The following LRRTM3 variants were observed in gnomAD, a reference collection of about 807,000 sequenced individuals.
LRRTM3 encodes the protein leucine-rich repeat transmembrane neuronal protein 3.
A neutral mutation model predicts 44.7 loss-of-function variants in LRRTM3; 24 were observed. The observed-to-expected ratio is 0.54, with a 90% CI of 0.39 to 0.76. The LOEUF (loss-of-function observed/expected upper bound fraction) is 0.76, where lower values mean the gene tolerates loss of function less well. Among genes scored for constraint, LRRTM3 ranks in the 30% least tolerant of loss-of-function variants. LRRTM3 has a pLI of 0.00. For missense variants in LRRTM3, 587 were observed against 702.2 expected, an observed-to-expected ratio of 0.84 and a Z score of 1.85; for synonymous variants, 277 against 278.7, an observed-to-expected ratio of 0.99 and a Z score of 0.06.
intron 2 of LRRTM3, among the ~76,000 whole-genome samples, chr10:67,049,392 C>T (rs2133178368): frequency 6.6e-6 from 1 of 152,208 alleles, no homozygotes; most frequent in South Asian, 2.1e-4. Flanking sequence ...GAACTACATA[C>T]AAAATGTAAA....
At chr10:66,965,489 C>T (rs547997449) in intron 2 of LRRTM3, among the ~76,000 whole-genome samples, 38 of 149,694 alleles carry the variant, frequency 2.5e-4, no homozygotes, top group African/African-American at 8.4e-4. Context: ...GAGCCGAGAT[C>T]GCACCACTGC....
At chr10:67,081,610 G>T (rs971617903) in intron 2 of LRRTM3, among the ~76,000 whole-genome samples, 3 of 152,116 alleles carry the variant, frequency 2.0e-5, no homozygotes, top group Non-Finnish European at 2.9e-5. Flanking sequence ...CTACCATTTT[G>T]CTATGCCTGT....
At chr10:66,946,729 T>C (rs1848292098) in intron 2 of LRRTM3, among the ~76,000 whole-genome samples, 1 of 152,092 alleles carries the variant, frequency 6.6e-6, no homozygotes, top group African/African-American at 2.4e-5. Flanking sequence ...GAACTACATA[T>C]TTCTCATCTC....
intron 2 of LRRTM3, among the ~76,000 whole-genome samples, chr10:66,940,916 C>G (rs1006709432): frequency 6.6e-6 from 1 of 152,118 alleles, no homozygotes; most frequent in African/African-American, 2.4e-5. Flanking sequence ...CAGTATGCAG[C>G]CTGCAGTAAC....
At chr10:67,002,105 G>A (rs555386215) in intron 2 of LRRTM3, among the ~76,000 whole-genome samples, 8 of 152,134 alleles carry the variant, frequency 5.3e-5, no homozygotes, top group Admixed American at 3.3e-4. Flanking sequence ...AAATGAGATC[G>A]TTGGATTCAA....
intron 2 of LRRTM3, among the ~76,000 whole-genome samples, chr10:67,090,893 A>C (rs1048400859): frequency 6.6e-6 from 1 of 152,020 alleles, no homozygotes; most frequent in Non-Finnish European, 1.5e-5. Flanking sequence ...GCAGTGTGAT[A>C]ATTGCTTACA....
rs923253395 is a variant in LRRTM3, at chr10:66,934,039, T to G, written c.1536+5587T>G. ...ATGGACGCTCTTGAGTTAGGGATCC[T>G]GAACACGTGAGGAAAATTCCAGGAA... On this transcript the variant is annotated intron_variant, in intron 2 of 2. Coordinates refer to ENST00000361320, the MANE Select transcript of LRRTM3 (RefSeq NM_178011.5). Among the ~76,000 whole-genome samples, 4 of 152,112 alleles carry G rather than the reference T, an allele frequency of 2.6e-5. No homozygotes were observed. In the South Asian group the frequency reaches 8.3e-4, roughly 32 times the overall value.
rs537682764 is a variant in LRRTM3 at position 67,035,048 on chromosome 10, C to A, written c.1537-62539C>A. ...TGAGGTCACCAGTTAGAAGTGCTCACTGTATTTTATGAATACTGATAGCTC... is the reference window on the plus strand; with the variant it reads ...TGAGGTCACCAGTTAGAAGTGCTCAATGTATTTTATGAATACTGATAGCTC... On this transcript the variant is annotated intron_variant, in intron 2 of 2. Coordinates refer to ENST00000361320, the MANE Select transcript of LRRTM3 (RefSeq NM_178011.5). Among the ~76,000 whole-genome samples the A allele has an allele frequency of 3.9e-5, 6 of 152,320 alleles. No individual in the cohort carries two copies. In the South Asian group the frequency reaches 1.2e-3, roughly 32 times the overall value.
At chr10:66,961,487 G>T (rs942896766) in intron 2 of LRRTM3, among the ~76,000 whole-genome samples, 8 of 152,048 alleles carry the variant, frequency 5.3e-5, no homozygotes, top group African/African-American at 1.7e-4. Context: ...CAACCTCACT[G>T]GGACTCTCTT....
chr10:67,059,959 G>A (rs1412801093), intron 2 of LRRTM3, among the ~76,000 whole-genome samples: 1 of 152,148 alleles, frequency 6.6e-6, no homozygotes, highest in Non-Finnish European at 1.5e-5. Context: ...CTACAAATAT[G>A]TTGAGGGAGA....
intron 2 of LRRTM3, among the ~76,000 whole-genome samples, chr10:66,948,205 A>G (rs1280969292): frequency 3.9e-5 from 6 of 152,202 alleles, no homozygotes; most frequent in Non-Finnish European, 7.3e-5. Flanking sequence ...AAATTCTCAA[A>G]TTATGCCCAC....
chr10:67,069,816 T>G (rs540552695), intron 2 of LRRTM3, among the ~76,000 whole-genome samples: 1 of 152,280 alleles, frequency 6.6e-6, no homozygotes, highest in Non-Finnish European at 1.5e-5. Context: ...TCTTTTTACC[T>G]AAGGACCCAT....
At chr10:67,039,953 T>G (rs1854292830) in intron 2 of LRRTM3, among the ~76,000 whole-genome samples, 1 of 152,156 alleles carries the variant, frequency 6.6e-6, no homozygotes, top group Admixed American at 6.5e-5. Context: ...ATAAAGCATA[T>G]TAGCTGTCTG....
At chr10:67,095,655 T>A (rs1857946277) in intron 2 of LRRTM3, among the ~76,000 whole-genome samples, 1 of 151,858 alleles carries the variant, frequency 6.6e-6, no homozygotes, top group Non-Finnish European at 1.5e-5. Context: ...GTAGAGTTAA[T>A]TCTAAGTAAG....
chr10:67,017,440 T>C (rs1852725548), intron 2 of LRRTM3, among the ~76,000 whole-genome samples: 1 of 152,150 alleles, frequency 6.6e-6, no homozygotes, highest in African/African-American at 2.4e-5. Context: ...TAAAAAGAAA[T>C]CTACTCTGTG....
At position 67,025,096 on chromosome 10, in the gene LRRTM3, A is replaced by G. The variant is rs1853272895; in HGVS notation, c.1537-72491A>G. Among the ~76,000 whole-genome samples, 6 of 144,104 alleles carry G rather than the reference A, an allele frequency of 4.2e-5. No individual in the cohort carries two copies. The Admixed American group carries it at 4.5e-4, about 11-fold the overall frequency. 94.5% of individuals were successfully genotyped at this position (144,104 alleles called of 152,430 possible). On this transcript the variant is annotated intron_variant, in intron 2 of 2. Coordinates refer to ENST00000361320, the MANE Select transcript of LRRTM3 (RefSeq NM_178011.5). ...GTGAGCCGAGATCATGCCATTGCAC[A>G]CTCCAGCCTGAGCAACAAGAGCAAA... is the stretch of plus-strand genomic sequence containing the variant.
chr10:66,951,088 TACAC>T (rs3056558), intron 2 of LRRTM3, among the ~76,000 whole-genome samples: 6,902 of 146,056 alleles, frequency 0.047, 350 homozygotes, highest in African/African-American at 0.13. Context: ...TAACATTAAA[TACAC>T]ACACACACAC....
In LRRTM3 at chr10:67,097,865, G is replaced by A. The variant is rs943037757; in HGVS notation, c.*69G>A. The stretch of plus-strand genomic sequence containing the variant: ...CTCAAGGACAAAATGAGGAAGATGT[G>A]TTCATTGTGGACTCTAAAAACAAAA... On this transcript the variant is annotated 3_prime_UTR_variant, in exon 3 of 3. Transcript: ENST00000361320. 1 of 1,385,566 alleles carries A rather than the reference G, an allele frequency of 7.2e-7. No homozygotes were observed. The highest frequency in any genetic ancestry group is 1.0e-6 in the Non-Finnish European group (1 of 979,850). The allele number at this position is 1,385,566 out of a possible 1,614,324, so 85.8% of individuals were successfully genotyped here.
intron 2 of LRRTM3, among the ~76,000 whole-genome samples, chr10:67,007,476 A>T (rs1002252034): frequency 1.3e-5 from 2 of 152,068 alleles, no homozygotes; most frequent in African/African-American, 2.4e-5. Flanking sequence ...TAAGAGATAA[A>T]ATATTTGACA....
Sources: gnomAD v4.1 joint callset for allele counts (sites outside exome capture counted in the v4.1 genomes callset) on GRCh38, gnomAD v4.1.1 for gene constraint, MANE v1.5 for transcripts, NCBI Gene and HGNC (gene_info 2026-07-23, HGNC 2026-07-21) for gene names.